The following PCDH15 variants were observed in gnomAD, a reference collection of about 807,000 sequenced individuals.
The protein encoded by PCDH15 is protocadherin-15.
Under a neutral mutation model 178.5 loss-of-function variants are expected in PCDH15, and 129 were observed. The observed-to-expected ratio is 0.72, with a 90% CI of 0.63 to 0.84. The LOEUF is 0.84. Among genes scored for constraint, PCDH15 ranks in the 40% least tolerant of loss-of-function variants. The pLI is 0.00. For synonymous variants in PCDH15, 800 were observed against 732.0 expected (o/e 1.09, Z -1.50); for missense variants, 2,230 against 2,099.9 (o/e 1.06, Z -1.21).
chr10:55,086,431 T>C (rs76569021), intron 2 of PCDH15, among the ~76,000 whole-genome samples: 6,168 of 152,146 alleles, frequency 0.041, 302 homozygotes, highest in East Asian at 0.15. Flanking sequence ...TCAAAAATTA[T>C]CACTATAAAA....
chr10:54,325,013 C>CTTTCATATCTCTAATTTT lies in PCDH15; in HGVS notation c.705+4582_705+4583insAAAATTAGAGATATGAAA, dbSNP rs71007833. On this transcript the variant is annotated intron_variant, in intron 7 of 37. Coordinates refer to ENST00000644397, the MANE Select transcript of PCDH15 (RefSeq NM_001384140.1). The stretch of plus-strand genomic sequence containing the variant: ...TCAACAAAAAGAAAACCCATTTGAT[C>CTTTCATATCTCTAATTTT]TTTCTAGATCTACCCCCAAAATTTT... 6.7e-4 allele frequency among the ~76,000 whole-genome samples: 102 copies of CTTTCATATCTCTAATTTT among 151,406 alleles called. 1 individual carries two copies. The highest frequency in any genetic ancestry group is 1.8e-3 in the African/African-American group (75 of 41,302).
chr10:55,102,386 G>T (rs1842594778), intron 2 of PCDH15, among the ~76,000 whole-genome samples: 1 of 151,994 alleles, frequency 6.6e-6, no homozygotes, highest in African/African-American at 2.4e-5. Context: ...CTCAGTAGAT[G>T]CCTGAAATTA....
At chr10:54,622,123 C>G (rs1357099126) in intron 2 of PCDH15, among the ~76,000 whole-genome samples, 1 of 151,734 alleles carries the variant, frequency 6.6e-6, no homozygotes, top group East Asian at 1.9e-4. Flanking sequence ...GGTGAACATA[C>G]TTTGATGAAA....
chr10:53,870,968 A>C (rs1291683543), intron 26 of PCDH15, among the ~76,000 whole-genome samples: 1 of 152,092 alleles, frequency 6.6e-6, no homozygotes, highest in Non-Finnish European at 1.5e-5. Flanking sequence ...TTTTAAACTT[A>C]CTTTTTTGCT....
Position 53,966,068 on chromosome 10 carries a change from A to C in PCDH15, c.2869-4176T>G, listed in dbSNP as rs3105655. Among the ~76,000 whole-genome samples, 142 of 15,732 alleles carry C rather than the reference A, an allele frequency of 9.0e-3. No individual in the cohort carries two copies. In the Middle Eastern group the frequency reaches 0.13, roughly 15 times the overall value. The allele number at this position is 15,732 out of a possible 152,430, so 10.3% of individuals were successfully genotyped here. On this transcript the variant is annotated intron_variant, in intron 21 of 37. Transcript: ENST00000644397. ...GACTAAAATAGTTTGCTATCCAGAA[A>C]ATCTTAGAACTTCCTAGATGATTTT...
intron 2 of PCDH15, among the ~76,000 whole-genome samples, chr10:54,533,805 A>G (rs967982881): frequency 1.3e-5 from 2 of 152,146 alleles, no homozygotes; most frequent in Admixed American, 6.5e-5. Flanking sequence ...AAAATGAATA[A>G]TCCATCAAAT....
chr10:54,418,901 C>T (rs910158446), intron 3 of PCDH15, among the ~76,000 whole-genome samples: 8 of 151,496 alleles, frequency 5.3e-5, no homozygotes, highest in African/African-American at 1.7e-4. Context: ...GGTTGATGTC[C>T]GTAGAGAATT....
At chr10:55,432,940 C>T (rs973079442) in intron 2 of PCDH15, among the ~76,000 whole-genome samples, 3 of 151,922 alleles carry the variant, frequency 2.0e-5, no homozygotes, top group African/African-American at 2.4e-5. Flanking sequence ...GGGAGAATGG[C>T]CTGAACCCTG....
At chr10:55,223,802 G>A (rs1239381939) in intron 1 of PCDH15, among the ~76,000 whole-genome samples, 1 of 152,126 alleles carries the variant, frequency 6.6e-6, no homozygotes, top group African/African-American at 2.4e-5. Flanking sequence ...GGAAGATTTT[G>A]CCAAATATAG....
At chr10:54,449,815 A>G (rs1023532635) in intron 3 of PCDH15, among the ~76,000 whole-genome samples, 2 of 151,676 alleles carry the variant, frequency 1.3e-5, no homozygotes, top group Non-Finnish European at 2.9e-5. Flanking sequence ...GCATCTGGAG[A>G]TTTTGGTATC....
chr10:55,311,098 T>C (rs1441440283), intron 1 of PCDH15, among the ~76,000 whole-genome samples: 1 of 152,202 alleles, frequency 6.6e-6, no homozygotes, highest in Admixed American at 6.5e-5. Flanking sequence ...TATGGTGTGT[T>C]ATAAAAGATG....
intron 21 of PCDH15, among the ~76,000 whole-genome samples, chr10:53,974,610 C>G (rs1254379471): frequency 6.6e-6 from 1 of 152,074 alleles, no homozygotes; most frequent in Non-Finnish European, 1.5e-5. Context: ...GTTAATCACT[C>G]TATCTTTCCT....
intron 2 of PCDH15, among the ~76,000 whole-genome samples, chr10:54,601,111 T>C (rs900080036): frequency 6.6e-6 from 1 of 152,044 alleles, no homozygotes; most frequent in Non-Finnish European, 1.5e-5. Context: ...CAGTTTGCAA[T>C]CTTATGTTGA....
intron 2 of PCDH15, among the ~76,000 whole-genome samples, chr10:54,595,611 T>C (rs554197720): frequency 6.6e-6 from 1 of 152,176 alleles, no homozygotes; most frequent in South Asian, 2.1e-4. Flanking sequence ...GTAGCTGAAA[T>C]GACAGAAATA....
chr10:55,227,190 G>T (rs1841072903), intron 1 of PCDH15, among the ~76,000 whole-genome samples: 1 of 151,772 alleles, frequency 6.6e-6, no homozygotes, highest in Non-Finnish European at 1.5e-5. Context: ...GATGAAAGAG[G>T]TCAGAAATCA....
intron 3 of PCDH15, among the ~76,000 whole-genome samples, chr10:54,873,681 G>C (rs1347780336): frequency 8.0e-6 from 1 of 125,688 alleles, no homozygotes; most frequent in Non-Finnish European, 1.6e-5. Flanking sequence ...AAAATCTGAA[G>C]AAACTGCTGT....
chr10:55,037,065 T>G (rs546326694), intron 2 of PCDH15, among the ~76,000 whole-genome samples: 44 of 152,306 alleles, frequency 2.9e-4, no homozygotes, highest in African/African-American at 1.0e-3. Flanking sequence ...GTTAGACATT[T>G]TTCCCATCAC....
At chr10:54,176,223 T>A (rs1327027475) in intron 13 of PCDH15, among the ~76,000 whole-genome samples, 2 of 152,176 alleles carry the variant, frequency 1.3e-5, no homozygotes, top group Non-Finnish European at 2.9e-5. Context: ...CCACTCGTGG[T>A]TAGATCATTA....
At chr10:54,361,385 T>C (rs1255794026) in intron 5 of PCDH15, among the ~76,000 whole-genome samples, 2 of 152,088 alleles carry the variant, frequency 1.3e-5, no homozygotes, top group African/African-American at 4.8e-5. Context: ...CATGATTGGA[T>C]GAAAGCAGAA....
Sources: allele counts gnomAD v4.1 joint callset (sites outside exome capture counted in the v4.1 genomes callset), GRCh38; gene constraint gnomAD v4.1.1; transcripts MANE v1.5; gene names NCBI Gene and HGNC (gene_info 2026-07-23, HGNC 2026-07-21).